Variants in PRKG1 observed in about 807,000 individuals in gnomAD.
The protein encoded by PRKG1 is protein kinase cGMP-dependent 1.
Under a neutral mutation model 88.1 loss-of-function variants are expected in PRKG1, and 35 were observed. The observed-to-expected ratio is 0.40, with a 90% CI of 0.30 to 0.53. PRKG1 has a LOEUF of 0.53. Ranked by LOEUF, PRKG1 falls within the 20% of genes least tolerant of loss-of-function variation. PRKG1 has a pLI of 0.59. For synonymous variants in PRKG1, 303 were observed against 292.5 expected (o/e 1.04, Z -0.37); for missense variants, 540 against 839.8 (o/e 0.64, Z 4.41).
intron 3 of PRKG1, among the ~76,000 whole-genome samples, chr10:51,554,167 CGTATGTGATAT>C (rs1837238876): frequency 7.3e-6 from 1 of 136,446 alleles, no homozygotes. Context: ...ATTATATGTG[CGTATGTGATAT>C]GTGTATATAT....
chr10:52,158,640 C>T (rs944979293), intron 8 of PRKG1, among the ~76,000 whole-genome samples: 11 of 151,388 alleles, frequency 7.3e-5, no homozygotes, highest in African/African-American at 2.4e-4. Flanking sequence ...CTTAAACTTC[C>T]GGTTATGTAT....
At chr10:51,915,921 A>G (rs1023895892) in intron 5 of PRKG1, among the ~76,000 whole-genome samples, 6 of 152,236 alleles carry the variant, frequency 3.9e-5, no homozygotes, top group African/African-American at 1.2e-4. Flanking sequence ...CACACCCACC[A>G]TATTGACTAG....
At chr10:51,710,794 A>C (rs945414534) in intron 3 of PRKG1, among the ~76,000 whole-genome samples, 1 of 152,114 alleles carries the variant, frequency 6.6e-6, no homozygotes, top group Non-Finnish European at 1.5e-5. Context: ...GGGACAGTAG[A>C]GTCAATGTGC....
intron 5 of PRKG1, among the ~76,000 whole-genome samples, chr10:51,971,620 T>C (rs1843716040): frequency 6.6e-6 from 1 of 152,130 alleles, no homozygotes; most frequent in Non-Finnish European, 1.5e-5. Flanking sequence ...TTCAGTCTAC[T>C]GTTGATAAAA....
At chr10:52,262,265 T>TG (rs1841450834) in intron 10 of PRKG1, among the ~76,000 whole-genome samples, 1 of 152,032 alleles carries the variant, frequency 6.6e-6, no homozygotes, top group African/African-American at 2.4e-5. Context: ...AGCTGGTTTT[T>TG]TTTGTTTGTT....
intron 7 of PRKG1, 120 bp from the exon 8 acceptor site, chr10:52,133,720 T>C (rs986926024): frequency 2.0e-5 from 15 of 768,326 alleles, no homozygotes; most frequent in South Asian, 4.3e-5. Context: ...AGCTTAAGCC[T>C]GGAGGTGGAT....
intron 3 of PRKG1, among the ~76,000 whole-genome samples, chr10:51,699,977 G>T (rs1841423116): frequency 6.6e-6 from 1 of 152,256 alleles, no homozygotes; most frequent in South Asian, 2.1e-4. Flanking sequence ...ACCGAAAGCG[G>T]ATTTAAGGCG....
chr10:51,318,784 T>A (rs2132504282), intron 2 of PRKG1, among the ~76,000 whole-genome samples: 1 of 152,358 alleles, frequency 6.6e-6, no homozygotes, highest in African/African-American at 2.4e-5. Flanking sequence ...TTTGTGAAAG[T>A]TCTTCTCTGT....
intron 2 of PRKG1, among the ~76,000 whole-genome samples, chr10:51,223,610 T>C (rs1198955771): frequency 1.3e-5 from 2 of 152,244 alleles, no homozygotes; most frequent in African/African-American, 4.8e-5. Context: ...AAGATGTATA[T>C]TTCTACAGAC....
At chr10:52,138,267 C>G (rs533437905) in intron 8 of PRKG1, among the ~76,000 whole-genome samples, 1 of 151,986 alleles carries the variant, frequency 6.6e-6, no homozygotes, top group African/African-American at 2.4e-5. Flanking sequence ...TGGCAAAAAC[C>G]GGGACTATTG....
chr10:52,202,547 G>T (rs762448940), intron 9 of PRKG1, among the ~76,000 whole-genome samples: 15 of 152,056 alleles, frequency 9.9e-5, no homozygotes, highest in Admixed American at 5.2e-4. Flanking sequence ...TAGCCCCATA[G>T]AATGAGTTAG....
At chr10:51,062,391 T>G (rs1165990419) in intron 1 of PRKG1, among the ~76,000 whole-genome samples, 1 of 152,234 alleles carries the variant, frequency 6.6e-6, no homozygotes, top group African/African-American at 2.4e-5. Flanking sequence ...ACACTGAATG[T>G]TGGGCTGATA....
intron 9 of PRKG1, among the ~76,000 whole-genome samples, chr10:52,192,296 C>T (rs1056116621): frequency 2.0e-5 from 3 of 152,102 alleles, no homozygotes; most frequent in African/African-American, 7.2e-5. Context: ...CTAAGATCAG[C>T]CATTTCTCAA....
At chr10:51,552,497 T>G (rs566189722) in intron 3 of PRKG1, among the ~76,000 whole-genome samples, 1 of 151,758 alleles carries the variant, frequency 6.6e-6, no homozygotes, top group East Asian at 1.9e-4. Context: ...AGATCATGAT[T>G]CTCAATGTCA....
intron 5 of PRKG1, chr10:51,910,336 A>ATCCTCCTAAGTC (rs1411846372): frequency 6.6e-6 from 1 of 152,190 alleles, no homozygotes; most frequent in Admixed American, 6.5e-5. Flanking sequence ...TTAGGCTCCC[A>ATCCTCCTAAGTC]TCCTCCCAAG....
At chr10:51,837,145 C>T (rs1428685651) in intron 4 of PRKG1, among the ~76,000 whole-genome samples, 4 of 152,118 alleles carry the variant, frequency 2.6e-5, no homozygotes, top group Admixed American at 6.6e-5. Context: ...GTTGATTTTT[C>T]AGTTAACGTG....
chr10:51,100,722 G>A (rs2131880419), intron 1 of PRKG1, among the ~76,000 whole-genome samples: 1 of 152,300 alleles, frequency 6.6e-6, no homozygotes, highest in East Asian at 1.9e-4. Context: ...TGGAGGAAGT[G>A]GTGATAGAGT....
intron 5 of PRKG1, among the ~76,000 whole-genome samples, chr10:51,911,875 T>C (rs147821647): frequency 2.1e-3 from 313 of 152,342 alleles, no homozygotes; most frequent in African/African-American, 7.1e-3. Context: ...AGCAGTACCA[T>C]TAAAGCCTTC....
intron 2 of PRKG1, among the ~76,000 whole-genome samples, chr10:51,276,600 A>T (rs557577583): frequency 1.3e-5 from 2 of 152,114 alleles, no homozygotes; most frequent in African/African-American, 4.8e-5. Context: ...AAGTGTTCCT[A>T]TTTCTCCACA....
Sources: allele counts gnomAD v4.1 joint callset (sites outside exome capture counted in the v4.1 genomes callset), GRCh38; gene constraint gnomAD v4.1.1; transcripts MANE v1.5; gene names NCBI Gene and HGNC (gene_info 2026-07-23, HGNC 2026-07-21).